Variants in PIBF1 observed in about 807,000 individuals in gnomAD.
PIBF1 encodes progesterone immunomodulatory binding factor 1, also known as progesterone-induced-blocking factor 1.
PIBF1 carries 90 observed loss-of-function variants against 112.5 expected under a neutral mutation model. The observed-to-expected ratio is 0.80, with a 90% CI of 0.67 to 0.95. The LOEUF (loss-of-function observed/expected upper bound fraction) is 0.95, where lower values mean the gene tolerates loss of function less well. Among genes scored for constraint, PIBF1 ranks in the 40% least tolerant of loss-of-function variants. The pLI, the probability that PIBF1 is intolerant of heterozygous loss-of-function variation, is 0.00. For synonymous variants in PIBF1, 301 were observed against 288.6 expected, an observed-to-expected ratio of 1.04 and a Z score of -0.44; for missense variants, 915 against 852.3, an observed-to-expected ratio of 1.07 and a Z score of -0.92.
At chr13:72,936,459 C>T (rs1447803042) in intron 14 of PIBF1, among the ~76,000 whole-genome samples, 4 of 152,066 alleles carry the variant, frequency 2.6e-5, no homozygotes, top group East Asian at 1.9e-4. Flanking sequence ...GGGGTTTTGT[C>T]TATTTTTAAT....
chr13:72,791,346 G>T (rs562013935), intron 2 of PIBF1, among the ~76,000 whole-genome samples: 4 of 151,584 alleles, frequency 2.6e-5, no homozygotes, highest in African/African-American at 4.9e-5. Context: ...GAATCACCAC[G>T]CCCTGCCTGA....
intron 10 of PIBF1, among the ~76,000 whole-genome samples, chr13:72,868,380 A>T (rs2039013515): frequency 6.6e-6 from 1 of 152,128 alleles, no homozygotes; most frequent in African/African-American, 2.4e-5. Flanking sequence ...TCCTAGTCTG[A>T]TAGGCTATCC....
At chr13:72,994,907 T>C (rs1196289248) in intron 16 of PIBF1, among the ~76,000 whole-genome samples, 1 of 152,216 alleles carries the variant, frequency 6.6e-6, no homozygotes, top group African/African-American at 2.4e-5. Context: ...GATCATTTCA[T>C]TGTAATAGTA....
At chr13:73,010,810 C>CTTTTTCTTTTTTTTTT (rs2044174823) in intron 17 of PIBF1, among the ~76,000 whole-genome samples, 1 of 40,278 alleles carries the variant, frequency 2.5e-5, no homozygotes, top group African/African-American at 9.6e-5. Context: ...ATTAACTTTT[C>CTTTTTCTTTTTTTTTT]TTTTTTTTTT....
chr13:72,797,478 A>G (rs74846824), intron 4 of PIBF1, among the ~76,000 whole-genome samples: 3 of 152,224 alleles, frequency 2.0e-5, no homozygotes, highest in South Asian at 2.1e-4. Flanking sequence ...GGAGGGCTTT[A>G]CTAACAAGGT....
Position 72,976,118 on chromosome 13 carries a change from C to A in PIBF1, c.2049+2443C>A, listed in dbSNP as rs904091387. 2.6e-5 allele frequency among the ~76,000 whole-genome samples: 4 copies of A among 152,092 alleles called. No individual in the cohort carries two copies. The South Asian group carries it at 8.3e-4, about 32-fold the overall frequency. On this transcript the variant is annotated intron_variant, in intron 16 of 17. Transcript: ENST00000326291. ...GCATGCAAATTAAATTCTAGCAGAG[C>A]TGGGCACAGTGTCACACACCTGTAG...
intron 15 of PIBF1, among the ~76,000 whole-genome samples, chr13:72,967,531 T>C (rs1370964237): frequency 1.3e-5 from 2 of 152,204 alleles, no homozygotes; most frequent in East Asian, 3.9e-4. Flanking sequence ...TATATCTGTC[T>C]GCTTGCTAAT....
At position 72,928,899 on chromosome 13, in the gene PIBF1, A is replaced by T. The variant is rs115284155; in HGVS notation, c.1731-2266A>T. ...TTAAACTTGATGTCTTCAAGTCATT[A>T]TCTTGTTCAGATTGTTGGTAATATG... On this transcript the variant is annotated intron_variant, in intron 13 of 17. Coordinates refer to ENST00000326291, the MANE Select transcript of PIBF1 (RefSeq NM_006346.4). Among the ~76,000 whole-genome samples the T allele has an allele frequency of 5.3e-3, 813 of 152,350 alleles. 15 individuals are homozygous for T. The highest frequency in any genetic ancestry group is 0.018 in the African/African-American group (762 of 41,590).
chr13:72,860,918 C>T (rs74092028), intron 10 of PIBF1, among the ~76,000 whole-genome samples: 1,844 of 152,214 alleles, frequency 0.012, 46 homozygotes, highest in African/African-American at 0.041. Flanking sequence ...GTTATTATGT[C>T]GTATTCTGTT....
chr13:72,985,539 G>C (rs533224314), intron 16 of PIBF1, among the ~76,000 whole-genome samples: 1 of 151,412 alleles, frequency 6.6e-6, no homozygotes, highest in African/African-American at 2.4e-5. Flanking sequence ...GTGAGACTCC[G>C]TCTCAAAAAA....
intron 8 of PIBF1, among the ~76,000 whole-genome samples, chr13:72,829,092 GTCTA>G (rs1018492318): frequency 2.0e-5 from 3 of 152,182 alleles, no homozygotes; most frequent in Admixed American, 2.0e-4. Context: ...TTTGAGAAGT[GTCTA>G]TATCCTTTGC....
intron 11 of PIBF1, among the ~76,000 whole-genome samples, chr13:72,898,501 G>A (rs1310412935): frequency 2.6e-5 from 4 of 151,640 alleles, no homozygotes; most frequent in Non-Finnish European, 5.9e-5. Context: ...AATACACAAG[G>A]TAAATGAAAC....
At chr13:72,843,468 GTGGCACAGTCTTGGCTCAC>G (rs1209791399) in intron 9 of PIBF1, among the ~76,000 whole-genome samples, 2 of 152,224 alleles carry the variant, frequency 1.3e-5, no homozygotes, top group Admixed American at 1.3e-4. Flanking sequence ...CTGGAGTGCA[GTGGCACAGTCTTGGCTCAC>G]TGCAACCTCT....
intron 11 of PIBF1, among the ~76,000 whole-genome samples, chr13:72,896,645 C>G (rs577200983): frequency 2.0e-5 from 3 of 151,792 alleles, no homozygotes; most frequent in Non-Finnish European, 4.4e-5. Context: ...TTTAAAAATG[C>G]GAAATGTTCT....
At chr13:72,926,502 G>A (rs899107597) in intron 13 of PIBF1, among the ~76,000 whole-genome samples, 2 of 152,166 alleles carry the variant, frequency 1.3e-5, no homozygotes, top group Non-Finnish European at 2.9e-5. Flanking sequence ...AATGACTGTA[G>A]TCTTCTTCCT....
intron 14 of PIBF1, among the ~76,000 whole-genome samples, chr13:72,936,032 A>T (rs988617189): frequency 9.6e-5 from 14 of 146,254 alleles, no homozygotes; most frequent in African/African-American, 3.0e-4. Flanking sequence ...TTATTTATTT[A>T]TTATTTATTT....
Position 72,827,744 on chromosome 13 carries a change from A to ACATGT in PIBF1, c.927_928insCATGT (p.Glu310HisfsTer56). ...CTACATGTATGTAGGTAGTCACCTT[A>ACATGT]GAGCAAACTGTTACTTTACTGCAAA... On this transcript the variant is annotated frameshift_variant, in exon 8 of 18. Coordinates refer to ENST00000326291, the MANE Select transcript of PIBF1 (RefSeq NM_006346.4). LOFTEE classifies it high-confidence loss of function. The ACATGT allele has an allele frequency of 6.3e-7, 1 of 1,582,850 alleles. No individual in the cohort carries two copies. The highest frequency in any genetic ancestry group is 8.6e-7 in the Non-Finnish European group (1 of 1,164,080).
Position 72,835,806 on chromosome 13 carries a change from A to T in PIBF1, c.1223+438A>T, listed in dbSNP as rs145514728. On this transcript the variant is annotated intron_variant, in intron 9 of 17. Transcript: ENST00000326291. Reference sequence around the variant, plus strand: ...ATGTCGTATTAGGTAATCCTGAAGAAATATCATTTTTGGCTGGGCGTGGTG... The same window carrying T: ...ATGTCGTATTAGGTAATCCTGAAGATATATCATTTTTGGCTGGGCGTGGTG... Among the ~76,000 whole-genome samples the T allele has an allele frequency of 1.0e-3, 152 of 152,308 alleles. 2 individuals carry two copies. In the East Asian group the frequency reaches 0.02, roughly 20 times the overall value.
intron 14 of PIBF1, among the ~76,000 whole-genome samples, chr13:72,943,017 C>T (rs1048294079): frequency 1.3e-5 from 2 of 151,942 alleles, no homozygotes; most frequent in African/African-American, 2.4e-5. Context: ...AGAAAAATAT[C>T]GTTTAGTAAA....
Sources: allele counts gnomAD v4.1 joint callset (sites outside exome capture counted in the v4.1 genomes callset), GRCh38; gene constraint gnomAD v4.1.1; transcripts MANE v1.5; gene names NCBI Gene and HGNC (gene_info 2026-07-23, HGNC 2026-07-21).